The following RANBP2 variants were observed in gnomAD, a reference collection of about 807,000 sequenced individuals.
RANBP2 encodes the protein E3 SUMO-protein ligase RanBP2.
In RANBP2, 57 loss-of-function variants were observed where a neutral mutation model predicts 303.6. The observed-to-expected ratio is 0.19, with a 90% CI of 0.15 to 0.23. The LOEUF is 0.23. Among genes scored for constraint, RANBP2 ranks in the 10% least tolerant of loss-of-function variants. The probability of loss-of-function intolerance (pLI) is 1.00; values close to 1 mark genes in which losing one functional copy is unlikely to be tolerated. For missense variants in RANBP2, 3,138 were observed against 3,780.8 expected (o/e 0.83, Z 4.46); for synonymous variants, 1,167 against 1,301.5 (o/e 0.90, Z 2.23).
the RANBP2 span, among the ~76,000 whole-genome samples, chr2:109,506,800 G>T: frequency 6.6e-6 from 1 of 152,312 alleles, no homozygotes; most frequent in East Asian, 1.9e-4. Context: ...CTGACAGGGG[G>T]CTCTGCTGGT....
the RANBP2 span, among the ~76,000 whole-genome samples, chr2:108,838,208 A>G: frequency 2.0e-5 from 3 of 152,194 alleles, no homozygotes; most frequent in Non-Finnish European, 4.4e-5. Flanking sequence ...TATCAGAGGC[A>G]TACTCTAGGC....
chr2:109,078,228 GTATA>G, the RANBP2 span, among the ~76,000 whole-genome samples: 3 of 39,274 alleles, frequency 7.6e-5, no homozygotes, highest in Non-Finnish European at 1.6e-4. Flanking sequence ...TATATAGCGT[GTATA>G]TATATATATA....
the RANBP2 span, among the ~76,000 whole-genome samples, chr2:108,858,521 C>T: frequency 7.2e-5 from 11 of 152,240 alleles, no homozygotes; most frequent in Non-Finnish European, 1.6e-4. Flanking sequence ...AGAGCATTTA[C>T]TTGCTTGAAT....
At chr2:108,740,906 G>A (rs1337455955) in intron 7 of RANBP2, among the ~76,000 whole-genome samples, 1 of 151,956 alleles carries the variant, frequency 6.6e-6, no homozygotes, top group South Asian at 2.1e-4. Context: ...GCATTGCCAT[G>A]ATTTGTTTGT....
At chr2:109,540,845 A>C in the RANBP2 span, among the ~76,000 whole-genome samples, 1 of 151,230 alleles carries the variant, frequency 6.6e-6, no homozygotes, top group Non-Finnish European at 1.5e-5. Flanking sequence ...TAAAATTTGC[A>C]TGATGTACCT....
the RANBP2 span, among the ~76,000 whole-genome samples, chr2:108,823,298 A>G: frequency 6.6e-6 from 1 of 152,234 alleles, no homozygotes; most frequent in East Asian, 1.9e-4. Context: ...TGTGGGGCCT[A>G]CATTACCCTG....
At chr2:108,731,284 A>G (rs763525042) in intron 3 of RANBP2, 38 bp from the exon 4 acceptor site, 4 of 1,602,812 alleles carry the variant, frequency 2.5e-6, no homozygotes, top group African/African-American at 1.3e-5. Context: ...CATACATACA[A>G]TTTATTTACT....
the RANBP2 span, among the ~76,000 whole-genome samples, chr2:109,315,855 G>A: frequency 1.3e-5 from 2 of 152,190 alleles, no homozygotes; most frequent in African/African-American, 2.4e-5. Context: ...CTGTCAGGAC[G>A]TGATCTAGGC....
At chr2:109,336,637 ATTTG>A in the RANBP2 span, among the ~76,000 whole-genome samples, 1 of 152,214 alleles carries the variant, frequency 6.6e-6, no homozygotes, top group African/African-American at 2.4e-5. Context: ...CCAGGAGAGC[ATTTG>A]TTTGTTTCTC....
chr2:109,614,084 C>A, the RANBP2 span: 3 of 1,211,554 alleles, frequency 2.5e-6, no homozygotes, highest in Non-Finnish European at 3.1e-6. Flanking sequence ...ACCCTCGACG[C>A]CTGAGGACTG....
At chr2:109,265,495 C>T in the RANBP2 span, among the ~76,000 whole-genome samples, 1 of 152,222 alleles carries the variant, frequency 6.6e-6, no homozygotes, top group Non-Finnish European at 1.5e-5. Context: ...CAGTGGCACC[C>T]TGCTGCCCAC....
At chr2:109,631,846 C>A in the RANBP2 span, among the ~76,000 whole-genome samples, 1 of 152,046 alleles carries the variant, frequency 6.6e-6, no homozygotes, top group African/African-American at 2.4e-5. Context: ...GGTATGGAGA[C>A]TCTAAAAACC....
chr2:108,762,809 A>ATCATCATCC (rs1346625710), intron 19 of RANBP2, among the ~76,000 whole-genome samples: 1 of 152,128 alleles, frequency 6.6e-6, no homozygotes, highest in Non-Finnish European at 1.5e-5. Flanking sequence ...CATCATCATC[A>ATCATCATCC]TCATCATCAT....
chr2:108,775,186 G>A (rs1188603810), intron 23 of RANBP2, among the ~76,000 whole-genome samples: 1 of 152,020 alleles, frequency 6.6e-6, no homozygotes, highest in Non-Finnish European at 1.5e-5. Flanking sequence ...TGATCTGTAC[G>A]TTAGATGCTA....
At chr2:109,419,362 C>T in the RANBP2 span, among the ~76,000 whole-genome samples, 1 of 152,202 alleles carries the variant, frequency 6.6e-6, no homozygotes, top group South Asian at 2.1e-4. Flanking sequence ...GGGCAGGGGT[C>T]CCGGGCTGCC....
chr2:109,390,625 C>T, the RANBP2 span, among the ~76,000 whole-genome samples: 1 of 152,106 alleles, frequency 6.6e-6, no homozygotes, highest in Non-Finnish European at 1.5e-5. Context: ...ATAACTATGA[C>T]AAAGGTGCAA....
At chr2:108,992,385 G>A in the RANBP2 span, among the ~76,000 whole-genome samples, 1 of 152,188 alleles carries the variant, frequency 6.6e-6, no homozygotes, top group African/African-American at 2.4e-5. Context: ...CTTCTTGGCC[G>A]TGATAAGCAA....
the RANBP2 span, among the ~76,000 whole-genome samples, chr2:109,557,639 T>C: frequency 3.1e-3 from 478 of 152,242 alleles, 10 homozygotes; most frequent in Non-Finnish European, 1.3e-3. Context: ...CAATGTAAAC[T>C]TACAAGGCCA....
At chr2:108,943,329 T>C in the RANBP2 span, among the ~76,000 whole-genome samples, 2 of 152,232 alleles carry the variant, frequency 1.3e-5, no homozygotes, top group African/African-American at 4.8e-5. Flanking sequence ...GGAGGCTTTC[T>C]ATCCCTCAGA....
Sources: gnomAD v4.1 joint callset for allele counts (sites outside exome capture counted in the v4.1 genomes callset) on GRCh38, gnomAD v4.1.1 for gene constraint, MANE v1.5 for transcripts, NCBI Gene and HGNC (gene_info 2026-07-23, HGNC 2026-07-21) for gene names.